PIGK: variants seen among roughly 807,000 people sequenced by gnomAD.
PIGK encodes the protein phosphatidylinositol glycan anchor biosynthesis class K.
PIGK carries 42 observed loss-of-function variants against 50.6 expected under a neutral mutation model. The ratio of observed to expected loss-of-function variants is 0.83; its 90% CI spans 0.65 to 1.07. The LOEUF (loss-of-function observed/expected upper bound fraction) is 1.07, where lower values mean the gene tolerates loss of function less well. Ranked by LOEUF, PIGK falls within the 50% of genes least tolerant of loss-of-function variation. The pLI, the probability that PIGK is intolerant of heterozygous loss-of-function variation, is 0.00. For missense variants in PIGK, 448 were observed against 488.7 expected (o/e 0.92, Z 0.78); for synonymous variants, 151 against 156.0 (o/e 0.97, Z 0.24).
rs1384970562 is a variant in PIGK, at chr1:77,142,857, G to C, written c.986+11592C>G. Among the ~76,000 whole-genome samples the C allele has an allele frequency of 2.0e-5, 3 of 151,944 alleles. No homozygotes were observed. In the East Asian group the frequency reaches 5.8e-4, roughly 29 times the overall value. ...GGGACACAGAGTCAAACCATATTGG[G>C]AACCCAAAAAAAGCAAAATTTGAAT... On this transcript the variant is annotated intron_variant, in intron 9 of 10. Coordinates refer to ENST00000370812, the MANE Select transcript of PIGK (RefSeq NM_005482.3).
At chr1:77,178,878 A>T (rs1387983240) in intron 3 of PIGK, among the ~76,000 whole-genome samples, 1 of 152,236 alleles carries the variant, frequency 6.6e-6, no homozygotes, top group Non-Finnish European at 1.5e-5. Flanking sequence ...TGAGACCAGA[A>T]ACCCAAAATG....
rs1653264860 is a variant in PIGK at position 77,090,203 on chromosome 1, G to A, written c.*2171C>T. The A allele has an allele frequency of 6.6e-6, 1 of 152,204 alleles. No homozygotes were observed. The highest frequency in any genetic ancestry group is 6.5e-5 in the Admixed American group (1 of 15,284). 9.4% of individuals were successfully genotyped at this position (152,204 alleles called of 1,614,324 possible). On this transcript the variant is annotated 3_prime_UTR_variant, in exon 11 of 11. Coordinates refer to ENST00000370812, the MANE Select transcript of PIGK (RefSeq NM_005482.3). ...TTGTTCAGCTTTTGTGACTCAAGTA[G>A]AATATATTTAAGGATTTGTTTTTAT...
At chr1:77,206,162 T>C (rs943231599) in intron 3 of PIGK, among the ~76,000 whole-genome samples, 1 of 152,330 alleles carries the variant, frequency 6.6e-6, no homozygotes, top group Non-Finnish European at 1.5e-5. Context: ...TTCAGCAATT[T>C]GCAGCTCCAT....
chr1:77,102,404 G>A (rs1432950460), intron 10 of PIGK, among the ~76,000 whole-genome samples: 1 of 152,140 alleles, frequency 6.6e-6, no homozygotes, highest in East Asian at 1.9e-4. Context: ...GATTATTTAG[G>A]TGAGCCCAAT....
intron 3 of PIGK, among the ~76,000 whole-genome samples, chr1:77,179,258 G>C (rs1655557517): frequency 6.6e-6 from 1 of 152,160 alleles, no homozygotes; most frequent in Non-Finnish European, 1.5e-5. Context: ...GATAGTGACA[G>C]TGACATTAAT....
intron 3 of PIGK, among the ~76,000 whole-genome samples, chr1:77,184,219 G>C (rs1655689572): frequency 6.6e-6 from 1 of 152,082 alleles, no homozygotes; most frequent in Non-Finnish European, 1.5e-5. Flanking sequence ...GGTGCTCCTA[G>C]AAGTGAAATT....
intron 9 of PIGK, among the ~76,000 whole-genome samples, chr1:77,133,897 G>A (rs1332282623): frequency 6.6e-6 from 1 of 151,600 alleles, no homozygotes; most frequent in African/African-American, 2.4e-5. Context: ...TTAAGAATTT[G>A]GCATGCCAGC....
chr1:77,126,364 C>A (rs188410811), intron 9 of PIGK, among the ~76,000 whole-genome samples: 168 of 151,840 alleles, frequency 1.1e-3, no homozygotes, highest in African/African-American at 3.9e-3. Context: ...AACAAGTTAT[C>A]TTGCAATGGA....
At chr1:77,141,883 A>C (rs1654657744) in intron 9 of PIGK, among the ~76,000 whole-genome samples, 1 of 152,160 alleles carries the variant, frequency 6.6e-6, no homozygotes, top group South Asian at 2.1e-4. Context: ...TCTAACAAAT[A>C]AAAGTTAACA....
intron 9 of PIGK, among the ~76,000 whole-genome samples, chr1:77,137,842 G>T (rs992411177): frequency 6.6e-6 from 1 of 152,162 alleles, no homozygotes; most frequent in Non-Finnish European, 1.5e-5. Flanking sequence ...AACCTCAAGT[G>T]ATTTGTCCAC....
intron 10 of PIGK, among the ~76,000 whole-genome samples, chr1:77,096,481 C>T (rs188958193): frequency 3.9e-4 from 59 of 152,290 alleles, no homozygotes; most frequent in African/African-American, 1.3e-3. Flanking sequence ...AGAGGCTTGG[C>T]TTGCTTCTGC....
intron 9 of PIGK, 60 bp downstream of exon 9, chr1:77,154,388 CA>C (rs770940038): frequency 3.0e-6 from 4 of 1,327,590 alleles, no homozygotes; most frequent in Admixed American, 2.0e-5. Context: ...TACAATGTTT[CA>C]AAAAAATGTA....
chr1:77,204,105 A>T (rs1343661359), intron 3 of PIGK, among the ~76,000 whole-genome samples: 1 of 152,186 alleles, frequency 6.6e-6, no homozygotes, highest in Non-Finnish European at 1.5e-5. Context: ...GAACAGAGTC[A>T]TATTTTTCTC....
At chr1:77,156,665 T>C (rs1394874250) in intron 8 of PIGK, among the ~76,000 whole-genome samples, 1 of 152,218 alleles carries the variant, frequency 6.6e-6, no homozygotes, top group East Asian at 1.9e-4. Flanking sequence ...GGGTATTTTA[T>C]TTCCCTAGAG....
chr1:77,170,184 T>A (rs1655328768), intron 3 of PIGK, among the ~76,000 whole-genome samples: 1 of 152,180 alleles, frequency 6.6e-6, no homozygotes, highest in Non-Finnish European at 1.5e-5. Context: ...TCTTTTTTTA[T>A]TTTTATTTTT....
intron 9 of PIGK, among the ~76,000 whole-genome samples, chr1:77,133,953 G>A (rs372037012): frequency 6.6e-6 from 1 of 152,194 alleles, no homozygotes; most frequent in African/African-American, 2.4e-5. Context: ...GTCCCCGTTA[G>A]TAACCCTTTA....
intron 3 of PIGK, among the ~76,000 whole-genome samples, chr1:77,175,543 T>C (rs751125978): frequency 1.3e-5 from 2 of 152,216 alleles, no homozygotes; most frequent in East Asian, 3.9e-4. Context: ...GCAAGGTGTA[T>C]AAGGAAAGTA....
Position 77,161,054 on chromosome 1 carries a change from T to C in PIGK, c.813+241A>G, listed in dbSNP as rs548232024. On this transcript the variant is annotated intron_variant, in intron 8 of 10. Transcript: ENST00000370812. ...AATATGTAGAATTTCAAAAGTTGAA[T>C]CTAAAAAAAGTACATTTCTGGTAAG... Among the ~76,000 whole-genome samples, 51 of 151,914 alleles carry C rather than the reference T, an allele frequency of 3.4e-4. 1 individual carries two copies. Among genetic ancestry groups the C allele is most frequent in the African/African-American group, 1.2e-3 (50 of 41,436 alleles).
intron 10 of PIGK, among the ~76,000 whole-genome samples, chr1:77,104,107 A>T (rs1653612142): frequency 6.6e-6 from 1 of 152,108 alleles, no homozygotes; most frequent in African/African-American, 2.4e-5. Context: ...ACCCTCAAAC[A>T]AAATTCATCA....
Sources: allele counts gnomAD v4.1 joint callset (sites outside exome capture counted in the v4.1 genomes callset), GRCh38; gene constraint gnomAD v4.1.1; transcripts MANE v1.5; gene names NCBI Gene and HGNC (gene_info 2026-07-23, HGNC 2026-07-21).